Variants in CNTN5 observed in about 807,000 individuals in gnomAD.
The protein encoded by CNTN5 is contactin-5.
In CNTN5, 77 loss-of-function variants were observed where a neutral mutation model predicts 129.1. The ratio of observed to expected loss-of-function variants is 0.60; its 90% CI spans 0.50 to 0.72. The LOEUF is 0.72. CNTN5 is among the 30% of genes least tolerant of loss of function. The pLI, the probability that CNTN5 is intolerant of heterozygous loss-of-function variation, is 0.00. For synonymous variants in CNTN5, 509 were observed against 465.6 expected (o/e 1.09, Z -1.20); for missense variants, 1,478 against 1,328.8 (o/e 1.11, Z -1.75).
Position 100,071,818 on chromosome 11 carries a change from T to C in CNTN5, c.1413T>C (p.Ala471=). 6.3e-7 allele frequency: 1 copy of C among 1,597,258 alleles called. No individual in the cohort carries two copies. Among genetic ancestry groups the C allele is most frequent in the Non-Finnish European group, 8.5e-7 (1 of 1,174,864 alleles). ...AGTATGGAGCCATTTACGCTAGTGC[T>C]GAGCTGAAGATTCTAGGTATGCAGT... is the stretch of plus-strand genomic sequence containing the variant. ...ENKYGAIYAS[A]ELKILASAPT... The change falls in exon 12 of 25, where the codon GCT becomes GCC. Residue 471 remains alanine, a synonymous_variant. Coordinates refer to ENST00000524871, the MANE Select transcript of CNTN5 (RefSeq NM_014361.4).
intron 3 of CNTN5, among the ~76,000 whole-genome samples, chr11:99,718,385 C>A (rs563927224): frequency 6.6e-6 from 1 of 152,086 alleles, no homozygotes; most frequent in Non-Finnish European, 1.5e-5. Context: ...CATAACAGAT[C>A]CTGTTTTCAG....
intron 18 of CNTN5, among the ~76,000 whole-genome samples, chr11:100,286,596 A>C (rs1950800497): frequency 6.9e-6 from 1 of 145,648 alleles, no homozygotes; most frequent in South Asian, 2.2e-4. Flanking sequence ...CACACCAAAA[A>C]CCCATCTGTA....
At chr11:100,268,420 C>A (rs1353208035) in intron 17 of CNTN5, among the ~76,000 whole-genome samples, 2 of 151,962 alleles carry the variant, frequency 1.3e-5, no homozygotes. Context: ...GAGAACCAGC[C>A]AAAGGCGGCA....
intron 4 of CNTN5, among the ~76,000 whole-genome samples, chr11:99,836,842 G>A (rs1319279555): frequency 6.6e-6 from 1 of 152,124 alleles, no homozygotes; most frequent in Non-Finnish European, 1.5e-5. Context: ...ATTCTAACTG[G>A]TGTGAGATGG....
chr11:99,613,755 C>T (rs760696353), intron 3 of CNTN5, among the ~76,000 whole-genome samples: 14 of 152,138 alleles, frequency 9.2e-5, no homozygotes, highest in Non-Finnish European at 1.5e-4. Context: ...TAGATACTTG[C>T]ATTTGTGATT....
At chr11:99,561,247 A>G (rs1411570472) in intron 3 of CNTN5, among the ~76,000 whole-genome samples, 1 of 152,202 alleles carries the variant, frequency 6.6e-6, no homozygotes, top group Non-Finnish European at 1.5e-5. Context: ...GTAGGAGCCA[A>G]CTGGGATAGT....
chr11:100,046,547 A>G (rs931512335), intron 9 of CNTN5, among the ~76,000 whole-genome samples: 7 of 151,894 alleles, frequency 4.6e-5, no homozygotes, highest in Non-Finnish European at 5.9e-5. Context: ...TTTTTCTTCA[A>G]TCTTTGTTTT....
At chr11:100,173,605 C>T (rs1947883067) in intron 13 of CNTN5, among the ~76,000 whole-genome samples, 1 of 152,088 alleles carries the variant, frequency 6.6e-6, no homozygotes, top group Admixed American at 6.6e-5. Context: ...ACTTTCTAGG[C>T]TCCATGAGCA....
chr11:100,005,706 T>C (rs1224985780), intron 9 of CNTN5, among the ~76,000 whole-genome samples: 1 of 152,172 alleles, frequency 6.6e-6, no homozygotes, highest in African/African-American at 2.4e-5. Flanking sequence ...GTTGCCTTTT[T>C]TGAGGCTAAG....
chr11:99,261,052 AT>A (rs935366565), intron 1 of CNTN5, among the ~76,000 whole-genome samples: 8 of 151,938 alleles, frequency 5.3e-5, no homozygotes, highest in African/African-American at 1.9e-4. Context: ...CAAAACTTCT[AT>A]TTATCTAAAA....
chr11:99,709,580 A>G (rs1036227010), intron 3 of CNTN5, among the ~76,000 whole-genome samples: 11 of 151,870 alleles, frequency 7.2e-5, no homozygotes, highest in African/African-American at 2.4e-4. Context: ...CAACAGATAT[A>G]TTTCTGGAAA....
chr11:100,055,569 T>C (rs1591145960), intron 9 of CNTN5, among the ~76,000 whole-genome samples: 2 of 138,018 alleles, frequency 1.4e-5, no homozygotes, highest in South Asian at 4.9e-4. Context: ...TATTAGTTTA[T>C]AGGTGCTTTT....
intron 2 of CNTN5, among the ~76,000 whole-genome samples, chr11:99,506,353 G>A (rs767242952): frequency 1.7e-4 from 26 of 152,264 alleles, no homozygotes; most frequent in Admixed American, 6.5e-4. Context: ...CATCATGTGA[G>A]CATCTTGCTC....
At chr11:99,698,207 CATT>C (rs1347385816) in intron 3 of CNTN5, among the ~76,000 whole-genome samples, 1 of 151,004 alleles carries the variant, frequency 6.6e-6, no homozygotes, top group Non-Finnish European at 1.5e-5. Context: ...AACAGAAATA[CATT>C]ATTCAAGTAT....
chr11:99,820,965 G>T lies in CNTN5; in HGVS notation c.277+1200G>T, dbSNP rs61095832. On this transcript the variant is annotated intron_variant, in intron 4 of 24. Transcript: ENST00000524871. ...GTGATTATACCAATTGTTGCCATGT[G>T]CAGCATTGTCTCGTAGTGTTGGCAT... 5.6e-3 allele frequency among the ~76,000 whole-genome samples: 846 copies of T among 152,338 alleles called. 4 individuals carry two copies. Among genetic ancestry groups the T allele is most frequent in the African/African-American group, 0.019 (805 of 41,584 alleles).
intron 1 of CNTN5, among the ~76,000 whole-genome samples, chr11:99,040,233 A>G (rs533879977): frequency 4.4e-4 from 67 of 152,252 alleles, no homozygotes; most frequent in Middle Eastern, 3.4e-3. Context: ...ATAAAATATA[A>G]TTGAATGATT....
At chr11:99,783,937 A>T (rs958394883) in intron 3 of CNTN5, among the ~76,000 whole-genome samples, 6 of 151,830 alleles carry the variant, frequency 4.0e-5, no homozygotes, top group African/African-American at 7.2e-5. Flanking sequence ...AACCTGCACA[A>T]TGTGCACATG....
At chr11:99,584,362 C>T (rs1949721005) in intron 3 of CNTN5, among the ~76,000 whole-genome samples, 1 of 152,158 alleles carries the variant, frequency 6.6e-6, no homozygotes, top group African/African-American at 2.4e-5. Context: ...TAGTGCAGAG[C>T]TTCTCATGCT....
chr11:100,171,970 C>T (rs1947840791), intron 13 of CNTN5, among the ~76,000 whole-genome samples: 1 of 151,868 alleles, frequency 6.6e-6, no homozygotes, highest in Non-Finnish European at 1.5e-5. Context: ...TTTTCAGTAG[C>T]TTTGTACTGT....
Sources: gnomAD v4.1 joint callset for allele counts (sites outside exome capture counted in the v4.1 genomes callset) on GRCh38, gnomAD v4.1.1 for gene constraint, MANE v1.5 for transcripts, NCBI Gene and HGNC (gene_info 2026-07-23, HGNC 2026-07-21) for gene names.